Variants in PLEC observed in about 807,000 individuals in gnomAD.
The protein encoded by PLEC is plectin.
In PLEC, 216 loss-of-function variants were observed where a neutral mutation model predicts 392.8. That is an observed-to-expected ratio of 0.55 (90% CI 0.49 to 0.62). The LOEUF is 0.62. PLEC is among the 20% of genes least tolerant of loss of function. PLEC has a pLI of 0.00. For missense variants in PLEC, 6,863 were observed against 6,563.4 expected (o/e 1.05, Z -1.58); for synonymous variants, 3,621 against 2,980.6 (o/e 1.21, Z -7.00).
chr8:143,919,918 C>T lies in PLEC; in HGVS notation c.9903G>A (p.Glu3301=). The T allele has an allele frequency of 1.2e-6, 2 of 1,613,214 alleles. No homozygotes were observed. The highest frequency in any genetic ancestry group is 2.2e-5 in the East Asian group (1 of 44,884). Residue 3301 remains glutamate, a synonymous_variant, in exon 32 of 32, where the codon GAG becomes GAA. Coordinates refer to ENST00000345136, the MANE Select transcript of PLEC (RefSeq NM_201384.3). ...IVEEVETLRQ[E]RLSFSGLRAP... is the part of the protein sequence containing the mutation. ...CACGGAGGCCGCTGAAGGACAGCCT[C>T]TCCTGCCGCAGGGTCTCCACCTCCT...
chr8:143,929,700 C>T lies in PLEC; in HGVS notation c.2869G>A (p.Glu957Lys), dbSNP rs1554711652. 14 of 1,599,418 alleles carry T rather than the reference C, an allele frequency of 8.8e-6. No homozygotes were observed. The highest frequency in any genetic ancestry group is 6.7e-5 in the East Asian group (3 of 44,784). ...GPEDRLMAEREYGSCSHHYQQ... is the reference protein window; with the variant it reads ...GPEDRLMAERKYGSCSHHYQQ... ...TAGTGGTGGCTGCAGGAGCCGTACT[C>T]GCGCTCAGCCATCAGCCGGTCCTCG... is the stretch of plus-strand genomic sequence containing the variant. Residue 957 changes from glutamate (E) to lysine (K), a missense_variant, in exon 23 of 32, where the codon GAG becomes AAG. Physicochemically the swap from Glu to Lys is moderately conservative, Grantham distance 56. Transcript: ENST00000345136.
At position 143,916,086 on chromosome 8, in the gene PLEC, A is replaced by G; in HGVS notation, c.*91T>C. Reference sequence around the variant, plus strand: ...GGTTAAACTTTAGGCACCACTTGGGAGGAAGACACCTTTAAGCGTTGAAAA... The same window carrying G: ...GGTTAAACTTTAGGCACCACTTGGGGGGAAGACACCTTTAAGCGTTGAAAA... On this transcript the variant is annotated 3_prime_UTR_variant, in exon 32 of 32. Transcript: ENST00000345136. 1 of 832,948 alleles carries G rather than the reference A, an allele frequency of 1.2e-6. No individual in the cohort carries two copies. Among genetic ancestry groups the G allele is most frequent in the Admixed American group, 3.0e-5 (1 of 33,276 alleles). 51.6% of individuals were successfully genotyped at this position (832,948 alleles called of 1,614,324 possible).
upstream of PLEC, among the ~76,000 whole-genome samples, chr8:143,974,654 C>T (rs1401269335): frequency 1.3e-5 from 2 of 152,232 alleles, no homozygotes; most frequent in Non-Finnish European, 2.9e-5. This position sits in a 1 kb window ranked among gnomAD's most constrained non-coding sequence, Gnocchi z 5.9. Flanking sequence ...CTGCTCCTCC[C>T]TCTCCTAGCA....
At position 143,930,380 on chromosome 8, in the gene PLEC, T is replaced by C; in HGVS notation, c.2457+4A>G. 1.3e-6 allele frequency: 2 copies of C among 1,571,608 alleles called. No individual in the cohort carries two copies. The highest frequency in any genetic ancestry group is 2.3e-5 in the East Asian group (1 of 42,924). On this transcript the variant is annotated splice_donor_region_variant and intron_variant, in intron 20 of 31. Transcript: ENST00000345136. The stretch of plus-strand genomic sequence containing the variant: ...CCCCCAGTGGACCCCCGGCCTGCGC[T>C]CACCTCCACCTGCTTATAGTCGCAC...
At chr8:143,927,790 T>C (rs782094980) in intron 26 of PLEC, 24 bp from the exon 27 acceptor site, 16 of 1,592,464 alleles carry the variant, frequency 1.0e-5, no homozygotes, top group Admixed American at 1.8e-5. Flanking sequence ...GAGGGACATG[T>C]GCGGCTTCAG....
Position 143,919,303 on chromosome 8 carries a change from G to T in PLEC, c.10518C>A (p.Ser3506Arg), listed in dbSNP as rs373881796. The change falls in exon 32 of 32, where the codon AGC becomes AGA. Residue 3506 changes from serine (S) to arginine (R), a missense_variant. Physicochemically the swap from Ser to Arg is moderately radical, Grantham distance 110. Coordinates refer to ENST00000345136, the MANE Select transcript of PLEC (RefSeq NM_201384.3). ...EEMNRVLADPSDDTKGFFDPN... is the reference protein window; with the variant it reads ...EEMNRVLADPRDDTKGFFDPN... ...GGTCAAAGAAGCCCTTGGTGTCGTC[G>T]CTGGGGTCCGCCAGGACGCGGTTCA... 4.4e-5 allele frequency: 71 copies of T among 1,613,974 alleles called. No individual in the cohort carries two copies. The highest frequency in any genetic ancestry group is 6.0e-5 in the Non-Finnish European group (71 of 1,180,038).
At chr8:143,953,824 C>T, upstream of PLEC, 2 of 1,607,918 alleles carry the variant, frequency 1.2e-6, no homozygotes, top group Admixed American at 3.4e-5. Flanking sequence ...AGTCCAGCCC[C>T]GCACCGCACT....
At position 143,916,654 on chromosome 8, in the gene PLEC, C is replaced by T; in HGVS notation, c.13167G>A (p.Glu4389=). 3 of 1,611,182 alleles carry T rather than the reference C, an allele frequency of 1.9e-6. No homozygotes were observed. Among genetic ancestry groups the T allele is most frequent in the Non-Finnish European group, 2.5e-6 (3 of 1,179,244 alleles). ...LYYEAGQRFL[E]VQYLTGGLIE... is the part of the protein sequence containing the mutation. ...TCAAGCCGCCGGTCAGGTACTGCAC[C>T]TCCAGGAAGCGCTGGCCGGCCTCGT... The change falls in exon 32 of 32, where the codon GAG becomes GAA. Residue 4389 remains glutamate (E), a synonymous_variant. Coordinates refer to ENST00000345136, the MANE Select transcript of PLEC (RefSeq NM_201384.3).
rs782216341 is a variant in PLEC, at chr8:143,924,422, G to C, written c.5507C>G (p.Ala1836Gly). The change falls in exon 31 of 32, where the codon GCG becomes GGG. Residue 1836 changes from alanine (A) to glycine (G), a missense_variant. Transcript: ENST00000345136. ...RQRAEAERVLAEKLAAIGEAT... is the reference protein window; with the variant it reads ...RQRAEAERVLGEKLAAIGEAT... ...CTCGCCGATGGCGGCCAGCTTCTCC[G>C]CAAGCACCCGCTCCGCCTCGGCCCG... 2.5e-6 allele frequency: 4 copies of C among 1,589,546 alleles called. No individual in the cohort carries two copies. The highest frequency in any genetic ancestry group is 3.4e-6 in the Non-Finnish European group (4 of 1,175,632).
chr8:143,975,215 A>G, upstream of PLEC: 1 of 1,603,852 alleles, frequency 6.2e-7, no homozygotes. This position sits in a 1 kb window ranked among gnomAD's most constrained non-coding sequence, Gnocchi z 9.9. Flanking sequence ...TGGGTCCAGG[A>G]CACTCCCGTT....
chr8:143,938,022 G>T lies in PLEC; in HGVS notation c.264+129C>A. On this transcript the variant is annotated intron_variant, in intron 3 of 31. Coordinates refer to ENST00000345136, the MANE Select transcript of PLEC (RefSeq NM_201384.3). ...AGGGACGAGGCCAGCCTGCCCCCAGGGAGAAGGCAGGAGGGGTTGAGCTGG... is the reference window on the plus strand; with the variant it reads ...AGGGACGAGGCCAGCCTGCCCCCAGTGAGAAGGCAGGAGGGGTTGAGCTGG... 7.2e-6 allele frequency: 5 copies of T among 692,944 alleles called. No individual in the cohort carries two copies. In the South Asian group the frequency reaches 8.3e-5, roughly 11 times the overall value. The allele number at this position is 692,944 out of a possible 1,614,324, so 42.9% of individuals were successfully genotyped here. A position where few individuals can be genotyped will look rare whatever the true frequency, so the allele number is the denominator to read the frequency against.
intron 12 of PLEC, 58 bp from the exon 13 acceptor site, chr8:143,933,409 GC>G: frequency 6.3e-7 from 1 of 1,598,508 alleles, no homozygotes; most frequent in Non-Finnish European, 8.5e-7. Flanking sequence ...CCTCACAGGG[GC>G]CCCGGCCAAG....
In PLEC at chr8:143,918,822, G is replaced by C. The variant is rs373318830; in HGVS notation, c.10999C>G (p.Arg3667Gly). The C allele has an allele frequency of 6.8e-6, 11 of 1,613,184 alleles. No individual in the cohort carries two copies. The East Asian group carries it at 2.5e-4, about 36-fold the overall frequency. The change falls in exon 32 of 32, where the codon CGG (arginine) becomes GGG (glycine). Residue 3667 changes from arginine to glycine, a missense_variant. By Grantham distance (125) the Arg-to-Gly change is moderately radical. Coordinates refer to ENST00000345136, the MANE Select transcript of PLEC (RefSeq NM_201384.3). The part of the protein sequence containing the change: ...IISLETYNLL[R>G]EGTRSLREAL... ...TCACGGAGGCTCCTGGTGCCCTCCC[G>C]GAGCAGGTTGTAGGTCTCGAGAGAG...
chr8:143,942,405 C>G, upstream of PLEC: 1 of 1,607,742 alleles, frequency 6.2e-7, no homozygotes. Flanking sequence ...CGCAGCACAG[C>G]TGCTGGTAGA....
upstream of PLEC, chr8:143,942,419 A>G (rs1554729358): frequency 1.9e-6 from 3 of 1,606,472 alleles, no homozygotes; most frequent in South Asian, 3.3e-5. Context: ...TGGTAGAGGT[A>G]GCCCCTGCGG....
rs782591407 is a variant in PLEC at position 143,917,220 on chromosome 8, G to A, written c.12601C>T (p.Arg4201Cys). The A allele has an allele frequency of 5.1e-5, 82 of 1,612,970 alleles. No homozygotes were observed. The East Asian group carries it at 6.0e-4, about 12-fold the overall frequency. Residue 4201 changes from arginine (R) to cysteine (C), a missense_variant, in exon 32 of 32, where the codon CGC (arginine) becomes TGC (cysteine). Physicochemically the swap from Arg to Cys is radical, Grantham distance 180 (BLOSUM62 -3). Transcript: ENST00000345136. ...KSMIIDRRSG[R>C]QYDIDDAIAK... is the part of the protein sequence containing the mutation. ...ATGGCATCATCGATGTCGTACTGGC[G>A]CCCGGAGCGGCGGTCGATGATCATG...
At chr8:143,973,627 G>A (rs1303686215), upstream of PLEC, 7 of 722,250 alleles carry the variant, frequency 9.7e-6, no homozygotes, top group Non-Finnish European at 1.2e-5. This position sits in a 1 kb window ranked among gnomAD's most constrained non-coding sequence, Gnocchi z 5.6. Context: ...GCGGGGCCGG[G>A]GCCGCCGCGG....
Position 143,925,796 on chromosome 8 carries a change from G to T in PLEC, c.4133C>A (p.Ala1378Glu). 6.4e-7 allele frequency: 1 copy of T among 1,573,832 alleles called. No individual in the cohort carries two copies. The highest frequency in any genetic ancestry group is 1.1e-5 in the South Asian group (1 of 88,050). Reference protein sequence around the residue: ...ALEKQRQLAEAHAQAKAQAER... With the variant: ...ALEKQRQLAEEHAQAKAQAER... ...CGCCTGTGCCTTTGCCTGGGCGTGC[G>T]CCTCGGCCAGCTGCCGCTGCTTCTC... The change falls in exon 31 of 32, where the codon GCG (alanine) becomes GAG (glutamate). Residue 1378 changes from alanine to glutamate, a missense_variant. Transcript: ENST00000345136.
intron 30 of PLEC, 35 bp from the exon 31 acceptor site, chr8:143,925,919 G>C: frequency 1.3e-6 from 2 of 1,533,562 alleles, no homozygotes; most frequent in Non-Finnish European, 1.7e-6. Flanking sequence ...GAGAAGCAGA[G>C]AGAGTGTGAA....
Sources: allele counts gnomAD v4.1 joint callset (sites outside exome capture counted in the v4.1 genomes callset), GRCh38; gene constraint gnomAD v4.1.1; non-coding constraint Gnocchi (gnomAD v3.1); transcripts MANE v1.5; gene names NCBI Gene and HGNC (gene_info 2026-07-23, HGNC 2026-07-21).